Variants in TNIK observed in about 807,000 individuals in gnomAD.
TNIK encodes the protein TRAF2 and NCK interacting kinase.
TNIK carries 49 observed loss-of-function variants against 191.3 expected under a neutral mutation model. The ratio of observed to expected loss-of-function variants is 0.26; its 90% CI spans 0.20 to 0.32. The LOEUF is 0.32. Among genes scored for constraint, TNIK ranks in the 10% least tolerant of loss-of-function variants. The probability of loss-of-function intolerance (pLI) is 1.00; values close to 1 mark genes in which losing one functional copy is unlikely to be tolerated. For synonymous variants in TNIK, 594 were observed against 600.9 expected (o/e 0.99, Z 0.17); for missense variants, 1,155 against 1,702.3 (o/e 0.68, Z 5.66).
chr3:171,088,903 C>G lies in TNIK; in HGVS notation c.2722-1397G>C, dbSNP rs557658143. On this transcript the variant is annotated intron_variant, in intron 23 of 32. Transcript: ENST00000436636. ...TCAACACAGTATTTTTTAGTTCCTA[C>G]TAAGTGTAAAGCATTCTACTGGCAT... is the stretch of plus-strand genomic sequence containing the variant. Among the ~76,000 whole-genome samples, 5 of 152,288 alleles carry G rather than the reference C, an allele frequency of 3.3e-5. No individual in the cohort carries two copies. In the South Asian group the frequency reaches 1.0e-3, roughly 32 times the overall value.
intron 1 of TNIK, among the ~76,000 whole-genome samples, chr3:171,399,415 T>G (rs1383678974): frequency 2.0e-5 from 3 of 152,032 alleles, no homozygotes; most frequent in Non-Finnish European, 4.4e-5. Context: ...CACCCAGAAA[T>G]CCAACAATAT....
At chr3:171,217,932 T>G (rs749658283) in intron 3 of TNIK, among the ~76,000 whole-genome samples, 5 of 152,180 alleles carry the variant, frequency 3.3e-5, no homozygotes, top group Non-Finnish European at 5.9e-5. Flanking sequence ...CTGGAGAGGA[T>G]GTAGCATGTG....
At chr3:171,333,498 AGGGAGGCAGAG>A (rs1228994639) in intron 2 of TNIK, among the ~76,000 whole-genome samples, 5 of 149,462 alleles carry the variant, frequency 3.3e-5, no homozygotes, top group African/African-American at 1.2e-4. Flanking sequence ...CAGAGGTTGC[AGGGAGGCAGAG>A]GTTGCAGCGA....
chr3:171,063,766 C>G lies in TNIK; in HGVS notation c.*115G>C. Reference sequence around the variant, plus strand: ...GCGGAGGGAGAGGAAAAAGGGAAAGCGATATGTTCAACCAAGCCTTCTGAT... The same window carrying G: ...GCGGAGGGAGAGGAAAAAGGGAAAGGGATATGTTCAACCAAGCCTTCTGAT... On this transcript the variant is annotated 3_prime_UTR_variant, in exon 33 of 33. Coordinates refer to ENST00000436636, the MANE Select transcript of TNIK (RefSeq NM_015028.4). The G allele has an allele frequency of 1.0e-6, 1 of 994,322 alleles. No homozygotes were observed. Among genetic ancestry groups the G allele is most frequent in the Admixed American group, 2.6e-5 (1 of 38,660 alleles). The allele number at this position is 994,322 out of a possible 1,614,324, so 61.6% of individuals were successfully genotyped here.
intron 7 of TNIK, among the ~76,000 whole-genome samples, chr3:171,183,748 C>T (rs1560229296): frequency 6.6e-6 from 1 of 151,922 alleles, no homozygotes; most frequent in Non-Finnish European, 1.5e-5. Context: ...CAGTGAAACC[C>T]TGTCTCTACT....
intron 21 of TNIK, chr3:171,101,889 G>A (rs1263853018): frequency 1.3e-5 from 5 of 383,408 alleles, no homozygotes; most frequent in African/African-American, 8.4e-5. Flanking sequence ...ATATATATGT[G>A]TACATATGTG....
At chr3:171,444,585 A>AG (rs1430833487) in intron 1 of TNIK, among the ~76,000 whole-genome samples, 5 of 151,548 alleles carry the variant, frequency 3.3e-5, no homozygotes, top group African/African-American at 4.8e-5. Context: ...AAAAAAAAAA[A>AG]AAAAAAGAAA....
chr3:171,171,056 A>G (rs1189901486), intron 9 of TNIK, among the ~76,000 whole-genome samples: 1 of 152,162 alleles, frequency 6.6e-6, no homozygotes. Flanking sequence ...TGTCTCTAAA[A>G]AAAAAGAAAT....
intron 22 of TNIK, among the ~76,000 whole-genome samples, chr3:171,098,332 A>G (rs891924581): frequency 2.6e-5 from 4 of 152,198 alleles, no homozygotes; most frequent in African/African-American, 9.6e-5. Flanking sequence ...GTACATGCCC[A>G]TCATATAATT....
rs761325685 is a variant in TNIK, at chr3:171,211,247, T to C, written c.181-6A>G. The C allele has an allele frequency of 1.3e-6, 2 of 1,595,352 alleles. No individual in the cohort carries two copies. The highest frequency in any genetic ancestry group is 3.5e-5 in the Admixed American group (2 of 57,726). ...TTGATTTCTTCCTCTTCATCCTGTA[T>C]GAGAACAATATAAAAATTCTGTCAT... On this transcript the variant is annotated splice_polypyrimidine_tract_variant and splice_region_variant and intron_variant, in intron 3 of 32. Coordinates refer to ENST00000436636, the MANE Select transcript of TNIK (RefSeq NM_015028.4).
intron 12 of TNIK, 125 bp from the exon 13 acceptor site, chr3:171,140,634 A>G (rs1486956212): frequency 4.9e-6 from 4 of 823,228 alleles, no homozygotes; most frequent in Admixed American, 2.0e-5. Flanking sequence ...AAATGCTCCA[A>G]GGTTCTTCTC....
Position 171,260,920 on chromosome 3 carries a change from T to C in TNIK, c.124-32699A>G, listed in dbSNP as rs146610009. On this transcript the variant is annotated intron_variant, in intron 2 of 32. Coordinates refer to ENST00000436636, the MANE Select transcript of TNIK (RefSeq NM_015028.4). Reference sequence around the variant, plus strand: ...ATAACGAGGGTTATTACCGAAATATTGCAAATTTTATTTTCAAATATTTTC... The same window carrying C: ...ATAACGAGGGTTATTACCGAAATATCGCAAATTTTATTTTCAAATATTTTC... Among the ~76,000 whole-genome samples, 256 of 152,350 alleles carry C rather than the reference T, an allele frequency of 1.7e-3. 1 individual carries two copies. The highest frequency in any genetic ancestry group is 5.8e-3 in the African/African-American group (241 of 41,594).
chr3:171,285,103 T>C (rs900841141), intron 2 of TNIK, among the ~76,000 whole-genome samples: 1 of 152,240 alleles, frequency 6.6e-6, no homozygotes, highest in African/African-American at 2.4e-5. Context: ...GGACCCAGAA[T>C]ATTAGCAAGA....
intron 22 of TNIK, 57 bp downstream of exon 22, chr3:171,101,392 T>G: frequency 3.3e-6 from 5 of 1,523,662 alleles, no homozygotes; most frequent in Non-Finnish European, 4.4e-6. Context: ...TTTTTTGTCC[T>G]TTTATTTTGG....
chr3:171,218,887 AT>A (rs1195126353), intron 3 of TNIK, among the ~76,000 whole-genome samples: 9 of 97,538 alleles, frequency 9.2e-5, no homozygotes, highest in Non-Finnish European at 3.9e-5. Context: ...ATTTTTATAT[AT>A]TATATATTTA....
At chr3:171,082,984 T>A (rs1334353617) in intron 26 of TNIK, among the ~76,000 whole-genome samples, 1 of 152,306 alleles carries the variant, frequency 6.6e-6, no homozygotes, top group East Asian at 1.9e-4. Flanking sequence ...GTCACAGACA[T>A]ACTCACTTTA....
In TNIK at chr3:171,307,214, G is replaced by A. The variant is rs116809709; in HGVS notation, c.123+62406C>T. ...GAGAGAGTAGTAAAAACAGGCTGGT[G>A]GTGGCAAAAATTGCCATTCTGTGCT... On this transcript the variant is annotated intron_variant, in intron 2 of 32. Coordinates refer to ENST00000436636, the MANE Select transcript of TNIK (RefSeq NM_015028.4). Among the ~76,000 whole-genome samples the A allele has an allele frequency of 1.7e-3, 266 of 152,132 alleles. 1 individual carries two copies. Among genetic ancestry groups the A allele is most frequent in the African/African-American group, 6.0e-3 (251 of 41,502 alleles).
chr3:171,102,759 A>C (rs953218542), intron 21 of TNIK, among the ~76,000 whole-genome samples: 1 of 152,176 alleles, frequency 6.6e-6, no homozygotes, highest in African/African-American at 2.4e-5. Context: ...TCTTTATTTC[A>C]ATCCAGAAAT....
At chr3:171,245,341 C>G (rs1391065641) in intron 2 of TNIK, among the ~76,000 whole-genome samples, 1 of 152,074 alleles carries the variant, frequency 6.6e-6, no homozygotes, top group East Asian at 1.9e-4. Flanking sequence ...GTAAAACTGT[C>G]AAGACATTCA....
Sources: gnomAD v4.1 joint callset for allele counts (sites outside exome capture counted in the v4.1 genomes callset) on GRCh38, gnomAD v4.1.1 for gene constraint, MANE v1.5 for transcripts, NCBI Gene and HGNC (gene_info 2026-07-23, HGNC 2026-07-21) for gene names.